The following KCNQ1 variants were observed in gnomAD, a reference collection of about 807,000 sequenced individuals.
KCNQ1 encodes potassium voltage-gated channel subfamily Q member 1.
KCNQ1 carries 49 observed loss-of-function variants against 72.4 expected under a neutral mutation model. That is an observed-to-expected ratio of 0.68 (90% CI 0.54 to 0.86). KCNQ1 has a LOEUF of 0.86. Among genes scored for constraint, KCNQ1 ranks in the 40% least tolerant of loss-of-function variants. The pLI is 0.00. For synonymous variants in KCNQ1, 450 were observed against 412.6 expected (o/e 1.09, Z -1.10); for missense variants, 790 against 945.1 (o/e 0.84, Z 2.15).
intron 10 of KCNQ1, chr11:2,636,098 G>T (rs1403695471): frequency 1.3e-5 from 2 of 152,138 alleles, no homozygotes; most frequent in Non-Finnish European, 2.9e-5. Flanking sequence ...AGATGATGGG[G>T]TTTTCTAAAT....
At chr11:2,496,869 G>C (rs185459426) in intron 1 of KCNQ1, among the ~76,000 whole-genome samples, 7 of 34,774 alleles carry the variant, frequency 2.0e-4, no homozygotes, top group South Asian at 7.8e-4. Flanking sequence ...GCTCTTGTAA[G>C]GCAAGCCTCA....
rs935195261 is a variant in KCNQ1 at position 2,468,251 on chromosome 11, A to G, written c.386+22767A>G. On this transcript the variant is annotated intron_variant, in intron 1 of 15. Transcript: ENST00000155840. This position sits in a 1 kb window ranked among gnomAD's most constrained non-coding sequence, Gnocchi z 5.7. ...AGCCTCGACCTCCCTGGCTCAAGAG[A>G]TCCTCCCGCCTCAGCCTCCTGAGTA... Among the ~76,000 whole-genome samples, 5 of 151,994 alleles carry G rather than the reference A, an allele frequency of 3.3e-5. No individual in the cohort carries two copies. Among genetic ancestry groups the G allele is most frequent in the Non-Finnish European group, 5.9e-5 (4 of 68,002 alleles).
At chr11:2,819,475 C>A (rs987550944) in intron 15 of KCNQ1, among the ~76,000 whole-genome samples, 4 of 152,218 alleles carry the variant, frequency 2.6e-5, no homozygotes, top group African/African-American at 7.2e-5. Context: ...GTGCCGAGAG[C>A]CTTCCTGACA....
intron 11 of KCNQ1, among the ~76,000 whole-genome samples, chr11:2,732,142 C>A (rs1346589512): frequency 6.6e-6 from 1 of 152,242 alleles, no homozygotes; most frequent in Non-Finnish European, 1.5e-5. Context: ...ACTCCATTTG[C>A]TCTGAAGCGG....
At chr11:2,573,226 A>AT (rs1481882518) in intron 6 of KCNQ1, among the ~76,000 whole-genome samples, 2 of 152,094 alleles carry the variant, frequency 1.3e-5, no homozygotes, top group African/African-American at 4.8e-5. Context: ...TGAACTTGAG[A>AT]TTTGAGAGGG....
intron 15 of KCNQ1, among the ~76,000 whole-genome samples, chr11:2,807,762 C>T (rs1247810384): frequency 2.0e-5 from 3 of 151,908 alleles, no homozygotes; most frequent in Admixed American, 2.0e-4. Flanking sequence ...TCCCACCTAC[C>T]GGCCTCTTCC....
rs796384385 is a variant in KCNQ1 at position 2,803,165 on chromosome 11, C to CCCCA, written c.1794+25128_1794+25129insCCCA. Among the ~76,000 whole-genome samples, 379 of 151,986 alleles carry CCCCA rather than the reference C, an allele frequency of 2.5e-3. No individual in the cohort carries two copies. The highest frequency in any genetic ancestry group is 8.7e-3 in the African/African-American group (357 of 41,270). On this transcript the variant is annotated intron_variant, in intron 15 of 15. Coordinates refer to ENST00000155840, the MANE Select transcript of KCNQ1 (RefSeq NM_000218.3). The surrounding 1 kb of genome is among the most constrained non-coding windows in gnomAD (Gnocchi z 6.4). ...GAAAACCCAGCCGGGCCCCCCCCCC[C>CCCCA]ACGGGCACCCAGGAACCGCCCTGGC...
At chr11:2,452,350 C>T (rs1846129387) in intron 1 of KCNQ1, among the ~76,000 whole-genome samples, 1 of 152,148 alleles carries the variant, frequency 6.6e-6, no homozygotes, top group African/African-American at 2.4e-5. Context: ...TGCTCCTCTG[C>T]ATGGAGACAG....
chr11:2,607,611 C>T (rs1234874460), intron 10 of KCNQ1, among the ~76,000 whole-genome samples: 1 of 152,168 alleles, frequency 6.6e-6, no homozygotes, highest in African/African-American at 2.4e-5. Context: ...GTGCCTTGAC[C>T]TTGGACTTCC....
chr11:2,817,087 A>G lies in KCNQ1; in HGVS notation c.1795-30680A>G, dbSNP rs1459841218. 2.6e-5 allele frequency among the ~76,000 whole-genome samples: 4 copies of G among 151,988 alleles called. No individual in the cohort carries two copies. The East Asian group carries it at 5.8e-4, about 22-fold the overall frequency. Reference sequence around the variant, plus strand: ...AGGGAACCCACCCTCACCCTAGTCCACATGCCCGACCCATGACCCAGGCCT... The same window carrying G: ...AGGGAACCCACCCTCACCCTAGTCCGCATGCCCGACCCATGACCCAGGCCT... On this transcript the variant is annotated intron_variant, in intron 15 of 15. Transcript: ENST00000155840. The surrounding 1 kb of genome is among the most constrained non-coding windows in gnomAD (Gnocchi z 6.1).
intron 11 of KCNQ1, among the ~76,000 whole-genome samples, chr11:2,709,311 A>T (rs1850965981): frequency 7.5e-6 from 1 of 134,134 alleles, no homozygotes; most frequent in Non-Finnish European, 1.5e-5. Context: ...CAAACCTGGG[A>T]ACCGTGCAGC....
Position 2,595,754 on chromosome 11 carries a change from C to T in KCNQ1, c.1393+6900C>T, listed in dbSNP as rs1264801212. Among the ~76,000 whole-genome samples the T allele has an allele frequency of 6.6e-6, 1 of 152,146 alleles. No individual in the cohort carries two copies. Among genetic ancestry groups the T allele is most frequent in the Non-Finnish European group, 1.5e-5 (1 of 68,032 alleles). ...CAACATCCATTCTGCAGCCCATAAT[C>T]AAGGAGTAATGCCAACTTTGAAGTC... On this transcript the variant is annotated intron_variant, in intron 10 of 15. Coordinates refer to ENST00000155840, the MANE Select transcript of KCNQ1 (RefSeq NM_000218.3). This position sits in a 1 kb window ranked among gnomAD's most constrained non-coding sequence, Gnocchi z 5.0.
chr11:2,544,524 G>T lies in KCNQ1; in HGVS notation c.477+16506G>T, dbSNP rs1589941959. Among the ~76,000 whole-genome samples the T allele has an allele frequency of 1.3e-5, 2 of 151,652 alleles. No homozygotes were observed. The highest frequency in any genetic ancestry group is 3.9e-4 in the East Asian group (2 of 5,192). On this transcript the variant is annotated intron_variant, in intron 2 of 15. Transcript: ENST00000155840. This position sits in a 1 kb window ranked among gnomAD's most constrained non-coding sequence, Gnocchi z 4.4. Reference sequence around the variant, plus strand: ...CCACTTATTTAGATTTTTAACTTCTGTCAGAGATGTTTCATAGTTTTTAGT... The same window carrying T: ...CCACTTATTTAGATTTTTAACTTCTTTCAGAGATGTTTCATAGTTTTTAGT...
rs1850231907 is a variant in KCNQ1, at chr11:2,673,723, G to T, written c.1514+11642G>T. ...GGTTGCTGAATCTCAGGGCTTGGAAGGCCCAGACTGGACAGGGGAAGGGGT... is the reference window on the plus strand; with the variant it reads ...GGTTGCTGAATCTCAGGGCTTGGAATGCCCAGACTGGACAGGGGAAGGGGT... On this transcript the variant is annotated intron_variant, in intron 11 of 15. Transcript: ENST00000155840. This position sits in a 1 kb window ranked among gnomAD's most constrained non-coding sequence, Gnocchi z 4.5. The T allele has an allele frequency of 2.5e-6, 1 of 398,696 alleles. No homozygotes were observed. Among genetic ancestry groups the T allele is most frequent in the Non-Finnish European group, 4.4e-6 (1 of 226,144 alleles). 24.7% of individuals were successfully genotyped at this position (398,696 alleles called of 1,614,324 possible). A position where few individuals can be genotyped will look rare whatever the true frequency, so the allele number is the denominator to read the frequency against.
Position 2,451,438 on chromosome 11 carries a change from G to A in KCNQ1, c.386+5954G>A, listed in dbSNP as rs899041311. Among the ~76,000 whole-genome samples the A allele has an allele frequency of 2.0e-5, 3 of 152,180 alleles. No homozygotes were observed. Among genetic ancestry groups the A allele is most frequent in the Non-Finnish European group, 2.9e-5 (2 of 68,030 alleles). On this transcript the variant is annotated intron_variant, in intron 1 of 15. Coordinates refer to ENST00000155840, the MANE Select transcript of KCNQ1 (RefSeq NM_000218.3). The surrounding 1 kb of genome is among the most constrained non-coding windows in gnomAD (Gnocchi z 6.4). ...CTGCTCCCTAACAGGCCACGGACCCGGGGTTGGAGAACCCTGTCTTAGAGG... is the reference window on the plus strand; with the variant it reads ...CTGCTCCCTAACAGGCCACGGACCCAGGGTTGGAGAACCCTGTCTTAGAGG...
rs866796146 is a variant in KCNQ1 at position 2,446,125 on chromosome 11, C to T, written c.386+641C>T. Among the ~76,000 whole-genome samples the T allele has an allele frequency of 6.6e-5, 10 of 152,202 alleles. No homozygotes were observed. Among genetic ancestry groups the T allele is most frequent in the Middle Eastern group, 3.2e-3 (1 of 316 alleles). On this transcript the variant is annotated intron_variant, in intron 1 of 15. Coordinates refer to ENST00000155840, the MANE Select transcript of KCNQ1 (RefSeq NM_000218.3). This position sits in a 1 kb window ranked among gnomAD's most constrained non-coding sequence, Gnocchi z 8.8. ...TCTCACTAAGAGGCAGCTGTGCTCCCGGAGAAAGCAGCGCTGGTAGCAGAG... is the reference window on the plus strand; with the variant it reads ...TCTCACTAAGAGGCAGCTGTGCTCCTGGAGAAAGCAGCGCTGGTAGCAGAG...
At position 2,682,125 on chromosome 11, in the gene KCNQ1, G is replaced by T; in HGVS notation, c.1514+20044G>T. On this transcript the variant is annotated intron_variant, in intron 11 of 15. Transcript: ENST00000155840. This position sits in a 1 kb window ranked among gnomAD's most constrained non-coding sequence, Gnocchi z 5.8. Reference sequence around the variant, plus strand: ...AGGGAGCCGTGGATCTGCAGGAGATGTCCCAGCTCATCAAATATTCTTTCA... The same window carrying T: ...AGGGAGCCGTGGATCTGCAGGAGATTTCCCAGCTCATCAAATATTCTTTCA... 1 of 398,616 alleles carries T rather than the reference G, an allele frequency of 2.5e-6. No homozygotes were observed. The highest frequency in any genetic ancestry group is 4.4e-6 in the Non-Finnish European group (1 of 226,094). 24.7% of individuals were successfully genotyped at this position (398,616 alleles called of 1,614,324 possible).
At position 2,766,417 on chromosome 11, in the gene KCNQ1, G is replaced by A. The variant is rs573433387; in HGVS notation, c.1515-2427G>A. 1.3e-5 allele frequency among the ~76,000 whole-genome samples: 2 copies of A among 152,292 alleles called. No homozygotes were observed. The highest frequency in any genetic ancestry group is 4.1e-4 in the South Asian group (2 of 4,826). Reference sequence around the variant, plus strand: ...GGGTCTCTCAGCTCTCCTTCACGCGGCTGTTCCAGCAGGCTAGCTCAGACT... The same window carrying A: ...GGGTCTCTCAGCTCTCCTTCACGCGACTGTTCCAGCAGGCTAGCTCAGACT... On this transcript the variant is annotated intron_variant, in intron 11 of 15. Coordinates refer to ENST00000155840, the MANE Select transcript of KCNQ1 (RefSeq NM_000218.3). This position sits in a 1 kb window ranked among gnomAD's most constrained non-coding sequence, Gnocchi z 4.4.
intron 11 of KCNQ1, chr11:2,689,745 G>C (rs1391876577): frequency 2.5e-6 from 1 of 398,666 alleles, no homozygotes; most frequent in Non-Finnish European, 4.4e-6. Flanking sequence ...AGTCTCATTT[G>C]TTTACAGGAG....
Sources: allele counts gnomAD v4.1 joint callset (sites outside exome capture counted in the v4.1 genomes callset), GRCh38; gene constraint gnomAD v4.1.1; non-coding constraint Gnocchi (gnomAD v3.1); transcripts MANE v1.5; gene names NCBI Gene and HGNC (gene_info 2026-07-23, HGNC 2026-07-21).